The following OSBPL7 variants were observed in gnomAD, a reference collection of about 807,000 sequenced individuals.
OSBPL7 encodes the protein oxysterol-binding protein-related protein 7.
A neutral mutation model predicts 115.8 loss-of-function variants in OSBPL7; 66 were observed. That is an observed-to-expected ratio of 0.57 (90% CI 0.47 to 0.70). The LOEUF is 0.70. Among genes scored for constraint, OSBPL7 ranks in the 30% least tolerant of loss-of-function variants. The pLI is 0.00. For synonymous variants in OSBPL7, 441 were observed against 439.2 expected (o/e 1.00, Z -0.05); for missense variants, 902 against 1,125.5 (o/e 0.80, Z 2.84).
At position 47,807,654 on chromosome 17, in the gene OSBPL7, GC is replaced by G. The variant is rs2143512211; in HGVS notation, c.*636del. ...AGGCCTCCTCCACTCTGGGGGATCC[GC>G]TGAGCTGAGACGGGAGGGAACCGCT... On this transcript the variant is annotated 3_prime_UTR_variant, in exon 23 of 23. Coordinates refer to ENST00000007414, the MANE Select transcript of OSBPL7 (RefSeq NM_145798.3). 1 of 154,062 alleles carries G rather than the reference GC, an allele frequency of 6.5e-6. No homozygotes were observed. The highest frequency in any genetic ancestry group is 1.9e-4 in the East Asian group (1 of 5,184). The allele number at this position is 154,062 out of a possible 1,614,324, so 9.5% of individuals were successfully genotyped here.
Position 47,818,253 on chromosome 17 carries a change from G to A in OSBPL7, c.598+16C>T, listed in dbSNP as rs766594990. Reference sequence around the variant, plus strand: ...TGGGGCCTACCCTTGGAGGTGCTGCGCCTAGGGCCCCTCACCATGAGAGCA... The same window carrying A: ...TGGGGCCTACCCTTGGAGGTGCTGCACCTAGGGCCCCTCACCATGAGAGCA... On this transcript the variant is annotated intron_variant, in intron 7 of 22. Transcript: ENST00000007414. The A allele has an allele frequency of 1.1e-5, 17 of 1,605,884 alleles. No individual in the cohort carries two copies. In the South Asian group the frequency reaches 1.7e-4, roughly 16 times the overall value.
In OSBPL7 at chr17:47,808,686, G is replaced by T. The variant is rs1371994120; in HGVS notation, c.2298-26C>A. ...CTGAGGATCCAGATCAAACTCAGGG[G>T]AACTGCCCATCTGCAGGGGCCCCCA... On this transcript the variant is annotated intron_variant, in intron 21 of 22. Coordinates refer to ENST00000007414, the MANE Select transcript of OSBPL7 (RefSeq NM_145798.3). This position sits in a 1 kb window ranked among gnomAD's most constrained non-coding sequence, Gnocchi z 6.1. 6.2e-7 allele frequency: 1 copy of T among 1,613,214 alleles called. No individual in the cohort carries two copies. Among genetic ancestry groups the T allele is most frequent in the Non-Finnish European group, 8.5e-7 (1 of 1,179,580 alleles).
intron 14 of OSBPL7, 113 bp from the exon 15 acceptor site, chr17:47,813,947 C>A: frequency 1.5e-6 from 2 of 1,364,084 alleles, no homozygotes; most frequent in South Asian, 1.5e-5. Context: ...GGACATTCGC[C>A]CCTGAGCCCT....
Position 47,818,301 on chromosome 17 carries a change from C to A in OSBPL7, c.566G>T (p.Arg189Met), listed in dbSNP as rs893314020. The A allele has an allele frequency of 3.1e-6, 5 of 1,614,020 alleles. No homozygotes were observed. The highest frequency in any genetic ancestry group is 4.2e-6 in the Non-Finnish European group (5 of 1,180,018). The change falls in exon 7 of 23, where the codon AGG (arginine) becomes ATG (methionine). Residue 189 changes from arginine (R) to methionine (M), a missense_variant. Arg to Met is a moderately conservative substitution (Grantham distance 91, BLOSUM62 -1). Transcript: ENST00000007414. Reference sequence around the variant, plus strand: ...GCAGCGGTCCAGCCCATCACTGTCCCTCAGCCAGGAAGACACTTTCTCCCG... The same window carrying A: ...GCAGCGGTCCAGCCCATCACTGTCCATCAGCCAGGAAGACACTTTCTCCCG... ...GPREKVSSWL[R>M]DSDGLDRCSH...
rs760565901 is a variant in OSBPL7 at position 47,808,357 on chromosome 17, G to A, written c.2463C>T (p.Asn821=). The A allele has an allele frequency of 4.3e-6, 7 of 1,614,072 alleles. No homozygotes were observed. The South Asian group carries it at 7.7e-5, about 18-fold the overall frequency. The change falls in exon 23 of 23, where the codon AAC becomes AAT. Residue 821 remains asparagine, a synonymous_variant. Transcript: ENST00000007414. This position sits in a 1 kb window ranked among gnomAD's most constrained non-coding sequence, Gnocchi z 6.1. ...DSSGKEWWVT[N]NTYWRLRAEP... ...CGGCCCGCAGCCTCCAGTAGGTATT[G>A]TTGGTCACCCACCACTCTTTCCCGC...
At position 47,813,831 on chromosome 17, in the gene OSBPL7, C is replaced by T. The variant is rs758813250; in HGVS notation, c.1355G>A (p.Gly452Glu). The T allele has an allele frequency of 5.0e-6, 8 of 1,605,736 alleles. No homozygotes were observed. In the Admixed American group the frequency reaches 6.7e-5, roughly 13 times the overall value. ...LRGAERCQKG[G>E]CVPGRPMGPP... ...CCCCATGGGTCTCCCTGGAACACACCCCCCTGGGGCCGCCCTGCCATGTCA... is the reference window on the plus strand; with the variant it reads ...CCCCATGGGTCTCCCTGGAACACACTCCCCTGGGGCCGCCCTGCCATGTCA... The change falls in exon 15 of 23, where the codon GGG (glycine) becomes GAG (glutamate). Residue 452 changes from glycine to glutamate, a missense_variant. This residue lies in a region of OSBPL7 where 667 missense variants were observed against 788.7 expected (regional missense o/e 0.85). Coordinates refer to ENST00000007414, the MANE Select transcript of OSBPL7 (RefSeq NM_145798.3).
chr17:47,819,332 T>C (rs554032965), intron 4 of OSBPL7: 1 of 570,286 alleles, frequency 1.8e-6, no homozygotes, highest in South Asian at 2.1e-5. Context: ...GAAAAACTAT[T>C]CCCACCCTCA....
chr17:47,814,806 G>C, intron 13 of OSBPL7, 192 bp from the exon 14 acceptor site: 1 of 606,548 alleles, frequency 1.6e-6, no homozygotes, highest in Non-Finnish European at 2.9e-6. Flanking sequence ...AGCCACCTTG[G>C]GAAGGGGAGG....
chr17:47,808,793 A>C lies in OSBPL7; in HGVS notation c.2297+71T>G. On this transcript the variant is annotated intron_variant, in intron 21 of 22. Coordinates refer to ENST00000007414, the MANE Select transcript of OSBPL7 (RefSeq NM_145798.3). The surrounding 1 kb of genome is among the most constrained non-coding windows in gnomAD (Gnocchi z 6.1). ...GAGGCCACTCAGTGAAGGAAGGACAAAGCCCCAGCTCTGTACTCTGTGGAG... is the reference window on the plus strand; with the variant it reads ...GAGGCCACTCAGTGAAGGAAGGACACAGCCCCAGCTCTGTACTCTGTGGAG... 1 of 1,604,826 alleles carries C rather than the reference A, an allele frequency of 6.2e-7. No homozygotes were observed. Among genetic ancestry groups the C allele is most frequent in the Non-Finnish European group, 8.5e-7 (1 of 1,173,092 alleles).
In OSBPL7 at chr17:47,808,306, C is replaced by T; in HGVS notation, c.2514G>A (p.Gly838=). 2 of 1,613,076 alleles carry T rather than the reference C, an allele frequency of 1.2e-6. No individual in the cohort carries two copies. The highest frequency in any genetic ancestry group is 8.5e-7 in the Non-Finnish European group (1 of 1,179,342). ...GGGGCCAGGGCTACCAGAGCACGGCCCCATCCATGTTCCCATAGCCTGGCT... is the reference window on the plus strand; with the variant it reads ...GGGGCCAGGGCTACCAGAGCACGGCTCCATCCATGTTCCCATAGCCTGGCT... The part of the protein sequence containing the change: ...RAEPGYGNMD[G]AVLW The change falls in exon 23 of 23, where the codon GGG becomes GGA. Residue 838 remains glycine (G), a synonymous_variant. Coordinates refer to ENST00000007414, the MANE Select transcript of OSBPL7 (RefSeq NM_145798.3). The surrounding 1 kb of genome is among the most constrained non-coding windows in gnomAD (Gnocchi z 6.1).
chr17:47,813,474 C>A, intron 15 of OSBPL7, 71 bp from the exon 16 acceptor site: 1 of 1,602,846 alleles, frequency 6.2e-7, no homozygotes. Context: ...AGTATGGGAT[C>A]TTGGGGTGGA....
At chr17:47,811,590 G>A (rs1256245259) in intron 16 of OSBPL7, among the ~76,000 whole-genome samples, 1 of 152,156 alleles carries the variant, frequency 6.6e-6, no homozygotes, top group East Asian at 1.9e-4. Flanking sequence ...CTGTATCTGG[G>A]GCCTTGACAT....
intron 16 of OSBPL7, among the ~76,000 whole-genome samples, chr17:47,813,064 C>T (rs917842225): frequency 5.3e-5 from 8 of 152,334 alleles, no homozygotes; most frequent in Admixed American, 2.6e-4. Flanking sequence ...CCCCCTAAAG[C>T]GTGAGCCCCC....
At chr17:47,815,697 T>G in intron 12 of OSBPL7, 1 of 320,992 alleles carries the variant, frequency 3.1e-6, no homozygotes, top group Non-Finnish European at 5.7e-6. Context: ...CTTTGCAGAT[T>G]GGAATGCTGA....
At chr17:47,817,722 A>G (rs1177682759) in intron 7 of OSBPL7, among the ~76,000 whole-genome samples, 1 of 152,056 alleles carries the variant, frequency 6.6e-6, no homozygotes, top group African/African-American at 2.4e-5. Flanking sequence ...CACTGACTTC[A>G]TGGAGATCCC....
Position 47,820,057 on chromosome 17 carries a change from T to C in OSBPL7, c.115A>G (p.Arg39Gly), listed in dbSNP as rs774839831. 1.9e-6 allele frequency: 3 copies of C among 1,612,320 alleles called. No homozygotes were observed. The East Asian group carries it at 6.7e-5, about 36-fold the overall frequency. ...GGCATGACACCCTCTGTCCCCAGCC[T>C]GACCCGAGGCTCCTCCACCACCTCC... ...LWEVVEEPRV[R>G]LGTEGVMPER... The change falls in exon 3 of 23, where the codon AGG becomes GGG. Residue 39 changes from arginine to glycine, a missense_variant. Physicochemically the swap from Arg to Gly is moderately radical, Grantham distance 125. Transcript: ENST00000007414.
chr17:47,814,376 C>T (rs2033144627), intron 14 of OSBPL7, 145 bp downstream of exon 14: 2 of 727,450 alleles, frequency 2.7e-6, no homozygotes, highest in Admixed American at 5.1e-5. Context: ...ATGACCTGGC[C>T]TTCCTTAGCT....
Position 47,816,601 on chromosome 17 carries a change from G to T in OSBPL7, c.890C>A (p.Ala297Asp). 6.2e-7 allele frequency: 1 copy of T among 1,613,404 alleles called. No individual in the cohort carries two copies. Among genetic ancestry groups the T allele is most frequent in the Non-Finnish European group, 8.5e-7 (1 of 1,179,786 alleles). ...GTRGLPPTDY[A>D]HLQRSFWALA... ...GGCCCAGAAGCTGCGCTGCAGGTGG[G>T]CATAGTCTGTGGGTGGCAGCCCACG... The change falls in exon 10 of 23, where the codon GCC becomes GAC. Residue 297 changes from alanine to aspartate, a missense_variant. By Grantham distance (126) the Ala-to-Asp change is moderately radical. Transcript: ENST00000007414. This position sits in a 1 kb window ranked among gnomAD's most constrained non-coding sequence, Gnocchi z 5.8.
intron 13 of OSBPL7, 79 bp downstream of exon 13, chr17:47,815,136 A>T (rs2033170732): frequency 6.5e-7 from 1 of 1,527,326 alleles, no homozygotes; most frequent in Non-Finnish European, 8.8e-7. Context: ...TGAGGAATCT[A>T]TGGTCTCTGT....
Sources: allele counts gnomAD v4.1 joint callset (sites outside exome capture counted in the v4.1 genomes callset), GRCh38; gene constraint gnomAD v4.1.1; regional missense constraint gnomAD v4.1.1; non-coding constraint Gnocchi (gnomAD v3.1); transcripts MANE v1.5; gene names NCBI Gene and HGNC (gene_info 2026-07-23, HGNC 2026-07-21).